The following SLC9A7 variants were observed in gnomAD, a reference collection of about 807,000 sequenced individuals.
SLC9A7 encodes the protein sodium/hydrogen exchanger 7.
SLC9A7 carries 19 observed loss-of-function variants against 52.6 expected under a neutral mutation model. That is an observed-to-expected ratio of 0.36 (90% CI 0.25 to 0.53). The LOEUF is 0.53. SLC9A7 is among the 20% of genes least tolerant of loss of function. SLC9A7 has a pLI of 0.91. For synonymous variants in SLC9A7, 226 were observed against 252.1 expected, an observed-to-expected ratio of 0.90 and a Z score of 0.98; for missense variants, 455 against 597.9, an observed-to-expected ratio of 0.76 and a Z score of 2.49.
intron 5 of SLC9A7, among the ~76,000 whole-genome samples, chrX:46,665,578 A>G (rs1159686275): frequency 9.2e-6 from 1 of 109,284 alleles, no homozygotes; most frequent in Non-Finnish European, 1.9e-5. Flanking sequence ...AAAAAAAAAA[A>G]AGAAATTGTT....
At chrX:46,661,889 C>A (rs919494662) in intron 7 of SLC9A7, 127 bp downstream of exon 7, 27 of 557,198 alleles carry the variant, frequency 4.8e-5, no homozygotes, top group Non-Finnish European at 6.9e-5. Flanking sequence ...ATTTCAGGAG[C>A]CATCATGCCC....
chrX:46,654,982 C>CTTTTTTTTTTTTTTTTTTTTTTTTTT (rs60881484), intron 7 of SLC9A7, among the ~76,000 whole-genome samples: 1 of 83,623 alleles, frequency 1.2e-5, no homozygotes. Flanking sequence ...TTCTTTCTTT[C>CTTTTTTTTTTTTTTTTTTTTTTTTTT]TTTTTTTTTT....
At chrX:46,712,275 A>T (rs758785267) in intron 1 of SLC9A7, among the ~76,000 whole-genome samples, 1 of 111,706 alleles carries the variant, frequency 9.0e-6, no homozygotes, top group African/African-American at 3.3e-5. Flanking sequence ...GCTGTACAGG[A>T]AGCACAGTGT....
chrX:46,682,119 T>C (rs2146869398), intron 2 of SLC9A7, among the ~76,000 whole-genome samples: 1 of 111,912 alleles, frequency 8.9e-6, no homozygotes, highest in South Asian at 3.7e-4. Flanking sequence ...CTACAGATGC[T>C]AACAGACCCA....
intron 3 of SLC9A7, among the ~76,000 whole-genome samples, chrX:46,678,282 A>G (rs1944151154): frequency 9.0e-6 from 1 of 110,925 alleles, no homozygotes; most frequent in African/African-American, 3.3e-5. Context: ...GTCCTCATTC[A>G]GAAAGAGAGC....
At chrX:46,617,486 T>C (rs960119346) in intron 15 of SLC9A7, among the ~76,000 whole-genome samples, 4 of 111,784 alleles carry the variant, frequency 3.6e-5, no homozygotes, top group African/African-American at 1.3e-4. Flanking sequence ...GATCTGTTTC[T>C]CTACCAAGCC....
At chrX:46,616,084 GC>G (rs1251600199) in intron 15 of SLC9A7, among the ~76,000 whole-genome samples, 1 of 108,710 alleles carries the variant, frequency 9.2e-6, no homozygotes, top group African/African-American at 3.4e-5. Flanking sequence ...ACTTTGCGAG[GC>G]TAAGGCAGGC....
At chrX:46,630,303 G>C (rs1479787784) in intron 14 of SLC9A7, among the ~76,000 whole-genome samples, 2 of 111,826 alleles carry the variant, frequency 1.8e-5, no homozygotes, top group African/African-American at 6.5e-5. Flanking sequence ...GTCTGCTGCA[G>C]ACTGCTGCAG....
chrX:46,618,665 T>C (rs1269530627), intron 15 of SLC9A7, among the ~76,000 whole-genome samples: 1 of 112,272 alleles, frequency 8.9e-6, no homozygotes, highest in Non-Finnish European at 1.9e-5. Context: ...AAAGTGAGGC[T>C]GGGTATGGTG....
At chrX:46,754,845 A>G (rs1255239587) in intron 1 of SLC9A7, among the ~76,000 whole-genome samples, 1 of 112,686 alleles carries the variant, frequency 8.9e-6, no homozygotes, top group Non-Finnish European at 1.9e-5. Context: ...CAGTCTGTTT[A>G]TACCAACTTT....
rs761825709 is a variant in SLC9A7 at position 46,664,660 on chromosome X, T to C, written c.794-2017A>G. On this transcript the variant is annotated intron_variant, in intron 5 of 16. Coordinates refer to ENST00000616978, the MANE Select transcript of SLC9A7 (RefSeq NM_001257291.2). ...ACTAAATTTTATAGTCATCATTTTC[T>C]TGCCTTTCCCTATAATTTAATCACA... Among the ~76,000 whole-genome samples, 5 of 112,008 alleles carry C rather than the reference T, an allele frequency of 4.5e-5. No individual in the cohort carries two copies. In the South Asian group the frequency reaches 1.9e-3, roughly 42 times the overall value.
chrX:46,626,921 G>A (rs1221838242), intron 14 of SLC9A7, among the ~76,000 whole-genome samples: 1 of 111,999 alleles, frequency 8.9e-6, no homozygotes, highest in Admixed American at 9.5e-5. Context: ...CCAGCCTCAG[G>A]TGGTTCTTTA....
chrX:46,654,831 A>C (rs936807972), intron 7 of SLC9A7, among the ~76,000 whole-genome samples: 1 of 111,195 alleles, frequency 9.0e-6, no homozygotes, highest in Non-Finnish European at 1.9e-5. Flanking sequence ...TACGTCTCCA[A>C]GGCATCAAAA....
intron 10 of SLC9A7, among the ~76,000 whole-genome samples, chrX:46,650,616 A>G (rs1943565148): frequency 9.0e-6 from 1 of 111,407 alleles, no homozygotes; most frequent in Admixed American, 9.5e-5. Context: ...AGGGCTGCCC[A>G]TACTGCAGAC....
At chrX:46,725,443 C>T (rs1046759978) in intron 1 of SLC9A7, 9 of 1,102,179 alleles carry the variant, frequency 8.2e-6, no homozygotes, top group Middle Eastern at 4.8e-4. Context: ...TCAATCTGGT[C>T]GATTTTCACT....
rs371574863 is a variant in SLC9A7, at chrX:46,651,096, C to A, written c.1350+14G>T. The A allele has an allele frequency of 8.6e-7, 1 of 1,161,057 alleles. No individual in the cohort carries two copies. The highest frequency in any genetic ancestry group is 1.8e-5 in the South Asian group (1 of 54,904). On this transcript the variant is annotated intron_variant, in intron 10 of 16. Transcript: ENST00000616978. The stretch of plus-strand genomic sequence containing the variant: ...TCTCTGCATGTAGAAAATGGTGGAA[C>A]AAGAAAAGGATACAAAAGCTCCGAT...
At chrX:46,710,458 T>C (rs1354822621) in intron 1 of SLC9A7, among the ~76,000 whole-genome samples, 2 of 112,006 alleles carry the variant, frequency 1.8e-5, no homozygotes, top group Admixed American at 9.5e-5. Context: ...ATGTTGGATG[T>C]AACTGGCAAA....
Position 46,603,668 on chromosome X carries a change from C to T in SLC9A7, c.*3284G>A, listed in dbSNP as rs1340517495. The T allele has an allele frequency of 9.0e-6, 1 of 111,302 alleles. No individual in the cohort carries two copies. The highest frequency in any genetic ancestry group is 1.9e-5 in the Non-Finnish European group (1 of 53,043). 9.2% of individuals were successfully genotyped at this position (111,302 alleles called of 1,213,427 possible). ...CCTGCCCAACATGGTGAAACTCTGTCTCTACTAAAAATATAAAAAAATTAG... is the reference window on the plus strand; with the variant it reads ...CCTGCCCAACATGGTGAAACTCTGTTTCTACTAAAAATATAAAAAAATTAG... On this transcript the variant is annotated 3_prime_UTR_variant, in exon 17 of 17. Transcript: ENST00000616978.
chrX:46,676,729 T>C (rs1265234040), intron 3 of SLC9A7, among the ~76,000 whole-genome samples: 1 of 111,892 alleles, frequency 8.9e-6, no homozygotes, highest in Non-Finnish European at 1.9e-5. Context: ...ATACCCATAA[T>C]AACCATCTCC....
Sources: gnomAD v4.1 joint callset for allele counts (sites outside exome capture counted in the v4.1 genomes callset) on GRCh38, gnomAD v4.1.1 for gene constraint, MANE v1.5 for transcripts, NCBI Gene and HGNC (gene_info 2026-07-23, HGNC 2026-07-21) for gene names.